The following EXT1 variants were observed in gnomAD, a reference collection of about 807,000 sequenced individuals.
The protein encoded by EXT1 is exostosin-1.
Under a neutral mutation model 82.5 loss-of-function variants are expected in EXT1, and 20 were observed. The ratio of observed to expected loss-of-function variants is 0.24; its 90% CI spans 0.17 to 0.35. The LOEUF (loss-of-function observed/expected upper bound fraction) is 0.35, where lower values mean the gene tolerates loss of function less well. Ranked by LOEUF, EXT1 falls within the 10% of genes least tolerant of loss-of-function variation. The pLI, the probability that EXT1 is intolerant of heterozygous loss-of-function variation, is 1.00. For missense variants in EXT1, 757 were observed against 936.5 expected, an observed-to-expected ratio of 0.81 and a Z score of 2.50; for synonymous variants, 348 against 350.8, an observed-to-expected ratio of 0.99 and a Z score of 0.09.
At chr8:118,052,216 G>C (rs1209383305) in intron 1 of EXT1, among the ~76,000 whole-genome samples, 1 of 152,336 alleles carries the variant, frequency 6.6e-6, no homozygotes, top group East Asian at 1.9e-4. Context: ...TAGGCAATAT[G>C]ATGGATTGTT....
chr8:117,802,223 T>C (rs1823177137), intron 10 of EXT1, among the ~76,000 whole-genome samples: 1 of 152,234 alleles, frequency 6.6e-6, no homozygotes, highest in African/African-American at 2.4e-5. Context: ...AGAATTAGGC[T>C]AATCTATGAA....
chr8:117,814,139 G>A (rs946799024), intron 7 of EXT1, among the ~76,000 whole-genome samples: 4 of 152,028 alleles, frequency 2.6e-5, no homozygotes, highest in African/African-American at 9.7e-5. Context: ...TAGCACATAT[G>A]ATCCATGGAT....
At chr8:117,882,987 AAAAAAAAAAGAAAG>A (rs1174857889) in intron 1 of EXT1, among the ~76,000 whole-genome samples, 1 of 151,892 alleles carries the variant, frequency 6.6e-6, no homozygotes, top group East Asian at 1.9e-4. Context: ...AAAGAAAAAA[AAAAAAAAAAGAAAG>A]AAAAAAAATG....
At chr8:117,854,066 G>A (rs17474881) in intron 1 of EXT1, among the ~76,000 whole-genome samples, 3,099 of 152,360 alleles carry the variant, frequency 0.02, 86 homozygotes, top group African/African-American at 0.065. Flanking sequence ...GGCCTGGGCC[G>A]AGGTCCTACA....
At chr8:117,817,481 T>C (rs1225712256) in intron 7 of EXT1, among the ~76,000 whole-genome samples, 1 of 152,092 alleles carries the variant, frequency 6.6e-6, no homozygotes, top group Non-Finnish European at 1.5e-5. Flanking sequence ...GTAGTGACTA[T>C]TTCCTTCACA....
chr8:117,855,684 T>A (rs1346692751), intron 1 of EXT1, among the ~76,000 whole-genome samples: 1 of 152,186 alleles, frequency 6.6e-6, no homozygotes, highest in Admixed American at 6.5e-5. Flanking sequence ...ATTTATTTAT[T>A]TAGAGACGGA....
At chr8:117,939,153 T>C (rs887369734) in intron 1 of EXT1, among the ~76,000 whole-genome samples, 6 of 152,072 alleles carry the variant, frequency 3.9e-5, no homozygotes, top group African/African-American at 1.4e-4. Flanking sequence ...AACTAGCCCA[T>C]CAATAATAGC....
chr8:118,013,357 C>T (rs543387014), intron 1 of EXT1, among the ~76,000 whole-genome samples: 5 of 152,188 alleles, frequency 3.3e-5, no homozygotes, highest in South Asian at 2.1e-4. Flanking sequence ...TACAGGAGCC[C>T]GTCACTGCGC....
chr8:117,858,803 G>GGAA lies in EXT1; in HGVS notation c.963-21603_963-21602insTTC, dbSNP rs1563582124. Among the ~76,000 whole-genome samples the GGAA allele has an allele frequency of 7.5e-5, 6 of 80,330 alleles. 1 individual carries two copies. Among genetic ancestry groups the GGAA allele is most frequent in the African/African-American group, 3.9e-4 (6 of 15,508 alleles). The allele number at this position is 80,330 out of a possible 152,430, so 52.7% of individuals were successfully genotyped here. A position where few individuals can be genotyped will look rare whatever the true frequency, so the allele number is the denominator to read the frequency against. On this transcript the variant is annotated intron_variant, in intron 1 of 10. Coordinates refer to ENST00000378204, the MANE Select transcript of EXT1 (RefSeq NM_000127.3). Reference sequence around the variant, plus strand: ...CAGGCAGGCAGGCAAGGCAAGGCAAGGCAAGGCAGGAAGGAAGGAAGGAAG... The same window carrying GGAA: ...CAGGCAGGCAGGCAAGGCAAGGCAAGGAAGCAAGGCAGGAAGGAAGGAAGGAAG...
At chr8:117,883,745 A>G (rs768397920) in intron 1 of EXT1, among the ~76,000 whole-genome samples, 3 of 152,232 alleles carry the variant, frequency 2.0e-5, no homozygotes, top group Non-Finnish European at 4.4e-5. Flanking sequence ...GGAACTATGC[A>G]AGCAGCTTTG....
chr8:117,951,048 A>G (rs145244031), intron 1 of EXT1, among the ~76,000 whole-genome samples: 2 of 152,264 alleles, frequency 1.3e-5, no homozygotes, highest in Non-Finnish European at 2.9e-5. Flanking sequence ...ATGAATACAC[A>G]TTAGTTAAAA....
chr8:117,799,938 T>G, intron 10 of EXT1, 41 bp from the exon 11 acceptor site: 1 of 1,600,216 alleles, frequency 6.2e-7, no homozygotes, highest in South Asian at 1.1e-5. Context: ...ATGAGAGAAG[T>G]GCAAGGTGAG....
chr8:117,854,741 T>C (rs539967073), intron 1 of EXT1, among the ~76,000 whole-genome samples: 2 of 152,342 alleles, frequency 1.3e-5, no homozygotes, highest in African/African-American at 4.8e-5. Flanking sequence ...GTAACACTAA[T>C]ACTATGGTCC....
intron 1 of EXT1, among the ~76,000 whole-genome samples, chr8:117,886,985 A>G (rs1813157213): frequency 6.6e-6 from 1 of 152,234 alleles, no homozygotes; most frequent in East Asian, 1.9e-4. Context: ...TTGGCAGGAT[A>G]ACTGATCTTT....
intron 1 of EXT1, among the ~76,000 whole-genome samples, chr8:118,079,943 AT>A (rs907111400): frequency 2.6e-5 from 4 of 152,238 alleles, no homozygotes; most frequent in African/African-American, 9.6e-5. Flanking sequence ...CCAGAGGCAT[AT>A]AAACTCAGGG....
intron 1 of EXT1, among the ~76,000 whole-genome samples, chr8:118,092,782 T>C (rs554305005): frequency 1.4e-4 from 22 of 152,344 alleles, no homozygotes; most frequent in Admixed American, 1.3e-3. Context: ...AACCAGGGAA[T>C]GCCCTAGGCT....
At chr8:118,068,312 A>G (rs1817027279) in intron 1 of EXT1, among the ~76,000 whole-genome samples, 1 of 152,190 alleles carries the variant, frequency 6.6e-6, no homozygotes, top group South Asian at 2.1e-4. Flanking sequence ...TCTTACAGGG[A>G]GATCACACCA....
intron 3 of EXT1, among the ~76,000 whole-genome samples, chr8:117,832,548 G>T (rs1812119641): frequency 6.6e-6 from 1 of 150,418 alleles, no homozygotes; most frequent in Non-Finnish European, 1.5e-5. Flanking sequence ...GAAAAGAAAA[G>T]AAAAATGCCT....
intron 6 of EXT1, 90 bp downstream of exon 6, chr8:117,819,585 TG>T: frequency 3.2e-6 from 3 of 944,204 alleles, no homozygotes; most frequent in Admixed American, 2.2e-5. Context: ...CCGGGGAGCC[TG>T]GGGAGCCCGG....
Sources: gnomAD v4.1 joint callset for allele counts (sites outside exome capture counted in the v4.1 genomes callset) on GRCh38, gnomAD v4.1.1 for gene constraint, MANE v1.5 for transcripts, NCBI Gene and HGNC (gene_info 2026-07-23, HGNC 2026-07-21) for gene names.